The following MAF variants were observed in gnomAD, a reference collection of about 807,000 sequenced individuals.
The protein encoded by MAF is transcription factor Maf.
A neutral mutation model predicts 22.0 loss-of-function variants in MAF; 10 were observed. The ratio of observed to expected loss-of-function variants is 0.45; its 90% CI spans 0.28 to 0.77. The LOEUF (loss-of-function observed/expected upper bound fraction) is 0.77. Ranked by LOEUF, MAF falls within the 30% of genes least tolerant of loss-of-function variation. MAF has a pLI of 0.12. For synonymous variants in MAF, 337 were observed against 255.8 expected (o/e 1.32, Z -3.03); for missense variants, 544 against 548.4 (o/e 0.99, Z 0.08).
At chr16:79,540,430 C>G in the MAF span, among the ~76,000 whole-genome samples, 7 of 152,136 alleles carry the variant, frequency 4.6e-5, no homozygotes, top group Admixed American at 3.9e-4. Flanking sequence ...AGCCTCCCAG[C>G]GAGATCAGTT....
the MAF span, among the ~76,000 whole-genome samples, chr16:79,367,559 G>A: frequency 4.6e-4 from 70 of 152,290 alleles, no homozygotes; most frequent in South Asian, 9.5e-3. Context: ...AGTGACTCAG[G>A]GATATATGGC....
the MAF span, among the ~76,000 whole-genome samples, chr16:79,488,048 C>T: frequency 2.3e-4 from 35 of 152,280 alleles, no homozygotes; most frequent in African/African-American, 8.2e-4. Context: ...CATCAAGCAT[C>T]GAAAAGTAGA....
the MAF span, among the ~76,000 whole-genome samples, chr16:79,475,478 A>T: frequency 6.6e-6 from 1 of 151,892 alleles, no homozygotes; most frequent in Admixed American, 6.6e-5. Flanking sequence ...ATCCATGTAC[A>T]CTTTATATAT....
chr16:79,203,745 G>A, the MAF span: 2 of 152,168 alleles, frequency 1.3e-5, no homozygotes, highest in African/African-American at 4.8e-5. Context: ...TTTACCTGTA[G>A]TATGAAGATA....
At chr16:79,293,912 G>A in the MAF span, among the ~76,000 whole-genome samples, 1 of 152,148 alleles carries the variant, frequency 6.6e-6, no homozygotes, top group African/African-American at 2.4e-5. Flanking sequence ...CTGAGAATGT[G>A]ATCAGACAAT....
At chr16:79,380,275 C>T in the MAF span, among the ~76,000 whole-genome samples, 1 of 152,314 alleles carries the variant, frequency 6.6e-6, no homozygotes, top group East Asian at 1.9e-4. Flanking sequence ...TGTGAATCCT[C>T]AGTTTCTTCA....
the MAF span, among the ~76,000 whole-genome samples, chr16:79,245,853 C>G: frequency 6.6e-6 from 1 of 151,906 alleles, no homozygotes; most frequent in African/African-American, 2.4e-5. Context: ...GTGGCACATA[C>G]ACACCATGGA....
At chr16:79,486,692 CAGAG>C in the MAF span, among the ~76,000 whole-genome samples, 2 of 152,160 alleles carry the variant, frequency 1.3e-5, no homozygotes, top group African/African-American at 2.4e-5. Context: ...GTCTCCGAGA[CAGAG>C]AGAGAGCATA....
At chr16:79,375,049 G>T in the MAF span, among the ~76,000 whole-genome samples, 3 of 152,100 alleles carry the variant, frequency 2.0e-5, no homozygotes, top group Non-Finnish European at 4.4e-5. Flanking sequence ...TATAACATGG[G>T]GCTGAGATGG....
the MAF span, among the ~76,000 whole-genome samples, chr16:79,530,908 C>T: frequency 6.6e-6 from 1 of 152,124 alleles, no homozygotes; most frequent in Non-Finnish European, 1.5e-5. Context: ...ACTCTTGAGC[C>T]AGCCAGATCC....
chr16:79,525,585 G>A, the MAF span, among the ~76,000 whole-genome samples: 2 of 152,200 alleles, frequency 1.3e-5, no homozygotes, highest in East Asian at 3.9e-4. Flanking sequence ...CCCTTCAAGT[G>A]GAAAAATTAA....
At chr16:79,597,587 G>A (rs1913609478) in intron 1 of MAF, 6 of 1,022,330 alleles carry the variant, frequency 5.9e-6, no homozygotes, top group Non-Finnish European at 7.0e-6. Context: ...GGAGGTTGAA[G>A]TTCTGAGTAA....
chr16:79,304,543 C>G, the MAF span, among the ~76,000 whole-genome samples: 16 of 151,984 alleles, frequency 1.1e-4, no homozygotes, highest in African/African-American at 3.9e-4. Context: ...CCAGAACTAG[C>G]CCTTTTGATT....
the MAF span, among the ~76,000 whole-genome samples, chr16:79,513,987 C>T: frequency 6.6e-6 from 1 of 152,142 alleles, no homozygotes; most frequent in African/African-American, 2.4e-5. Context: ...ACCTTCCCCC[C>T]ACCCTTCCCC....
the MAF span, among the ~76,000 whole-genome samples, chr16:79,548,573 A>T: frequency 6.6e-6 from 1 of 152,236 alleles, no homozygotes. Flanking sequence ...TAGTTACTCC[A>T]TGGCTGCATA....
chr16:79,485,022 G>A, the MAF span, among the ~76,000 whole-genome samples: 1 of 152,136 alleles, frequency 6.6e-6, no homozygotes, highest in African/African-American at 2.4e-5. Flanking sequence ...CTATAAAAAT[G>A]GACATCATGC....
chr16:79,271,756 A>C, the MAF span, among the ~76,000 whole-genome samples: 3 of 152,260 alleles, frequency 2.0e-5, no homozygotes, highest in Non-Finnish European at 4.4e-5. Context: ...TGAGACATCT[A>C]TCCAGGTTTC....
At chr16:79,348,164 G>T in the MAF span, among the ~76,000 whole-genome samples, 3 of 152,212 alleles carry the variant, frequency 2.0e-5, no homozygotes, top group African/African-American at 2.4e-5. Flanking sequence ...GGCCTCAGAG[G>T]GGGAAAGAAG....
the MAF span, among the ~76,000 whole-genome samples, chr16:79,421,176 G>T: frequency 6.6e-6 from 1 of 152,156 alleles, no homozygotes; most frequent in Non-Finnish European, 1.5e-5. Context: ...ACGTACAAGA[G>T]AAAACAATAT....
Sources: allele counts gnomAD v4.1 joint callset (sites outside exome capture counted in the v4.1 genomes callset), GRCh38; gene constraint gnomAD v4.1.1; transcripts MANE v1.5; gene names NCBI Gene and HGNC (gene_info 2026-07-23, HGNC 2026-07-21).